The following DPYD variants were observed in gnomAD, a reference collection of about 807,000 sequenced individuals.
DPYD encodes the protein dihydropyrimidine dehydrogenase.
DPYD carries 109 observed loss-of-function variants against 116.2 expected under a neutral mutation model. The observed-to-expected ratio is 0.94, with a 90% confidence interval of 0.80 to 1.10. The LOEUF is 1.10. Among genes scored for constraint, DPYD ranks in the 50% least tolerant of loss-of-function variants. DPYD has a pLI of 0.00. For synonymous variants in DPYD, 440 were observed against 432.0 expected (o/e 1.02, Z -0.23); for missense variants, 1,302 against 1,254.5 (o/e 1.04, Z -0.57).
intron 14 of DPYD, among the ~76,000 whole-genome samples, chr1:97,430,024 C>T (rs930860830): frequency 6.6e-6 from 1 of 152,096 alleles, no homozygotes; most frequent in African/African-American, 2.4e-5. Flanking sequence ...GGTAAACAAA[C>T]AGACTAAGTC....
intron 1 of DPYD, among the ~76,000 whole-genome samples, chr1:97,913,137 A>G (rs1345905307): frequency 6.6e-6 from 1 of 152,148 alleles, no homozygotes; most frequent in Admixed American, 6.6e-5. Flanking sequence ...AGCCATATAT[A>G]GTACGATTGA....
At chr1:97,849,464 C>T (rs1174631180) in intron 2 of DPYD, among the ~76,000 whole-genome samples, 3 of 151,604 alleles carry the variant, frequency 2.0e-5, no homozygotes, top group East Asian at 1.9e-4. Flanking sequence ...TTTGTAAACA[C>T]TTCAACAGCC....
At chr1:97,700,262 C>A (rs1456401398) in intron 5 of DPYD, 1 of 455,882 alleles carries the variant, frequency 2.2e-6, no homozygotes, top group South Asian at 1.5e-5. Flanking sequence ...CTTTTGAAAC[C>A]AGAGAGACAC....
intron 3 of DPYD, among the ~76,000 whole-genome samples, chr1:97,787,010 A>C (rs993479144): frequency 9.9e-5 from 15 of 152,166 alleles, no homozygotes; most frequent in Non-Finnish European, 1.5e-4. Flanking sequence ...AGGAAAAAAA[A>C]CCACAGGTCA....
chr1:97,123,826 A>G (rs1570498280), intron 20 of DPYD, among the ~76,000 whole-genome samples: 1 of 151,966 alleles, frequency 6.6e-6, no homozygotes, highest in Non-Finnish European at 1.5e-5. Flanking sequence ...AATTTCCTCT[A>G]TAGTTGCTGC....
chr1:97,214,164 C>T (rs573303684), intron 19 of DPYD, among the ~76,000 whole-genome samples: 25 of 152,284 alleles, frequency 1.6e-4, no homozygotes, highest in African/African-American at 5.8e-4. Flanking sequence ...AATTCCCTAA[C>T]AGCAGCCAAA....
At chr1:97,752,366 A>G (rs1031030902) in intron 3 of DPYD, among the ~76,000 whole-genome samples, 3 of 152,028 alleles carry the variant, frequency 2.0e-5, no homozygotes, top group African/African-American at 7.2e-5. Context: ...AAATTTAAAT[A>G]TTCATTCATT....
intron 2 of DPYD, among the ~76,000 whole-genome samples, chr1:97,879,514 A>C (rs1312018095): frequency 6.6e-6 from 1 of 151,970 alleles, no homozygotes; most frequent in Non-Finnish European, 1.5e-5. Context: ...AATGGCAAAA[A>C]TAAACAGCAG....
intron 20 of DPYD, among the ~76,000 whole-genome samples, chr1:97,133,208 C>T (rs948339354): frequency 1.3e-5 from 2 of 151,914 alleles, no homozygotes; most frequent in Admixed American, 6.6e-5. Flanking sequence ...TTCCCGAAAT[C>T]TGTTGCTAGC....
intron 8 of DPYD, among the ~76,000 whole-genome samples, chr1:97,670,974 C>T (rs542602178): frequency 2.0e-5 from 3 of 151,982 alleles, no homozygotes; most frequent in South Asian, 4.2e-4. Context: ...ATAAAAATTC[C>T]TCCATGTCTC....
At chr1:97,877,510 T>C (rs1044946895) in intron 2 of DPYD, among the ~76,000 whole-genome samples, 1 of 152,046 alleles carries the variant, frequency 6.6e-6, no homozygotes, top group Non-Finnish European at 1.5e-5. Flanking sequence ...GTTGGATATC[T>C]GCATGCTCTA....
At chr1:97,791,460 G>T (rs1336500417) in intron 3 of DPYD, among the ~76,000 whole-genome samples, 4 of 152,168 alleles carry the variant, frequency 2.6e-5, no homozygotes, top group Admixed American at 1.3e-4. Context: ...AACAAGTTTT[G>T]TGGTCTAATG....
chr1:97,385,838 G>C (rs539038836), intron 14 of DPYD, among the ~76,000 whole-genome samples: 1 of 152,098 alleles, frequency 6.6e-6, no homozygotes, highest in South Asian at 2.1e-4. Context: ...GACTAACACT[G>C]TTTCTCTCTT....
intron 16 of DPYD, among the ~76,000 whole-genome samples, chr1:97,370,692 T>G (rs548018433): frequency 2.6e-5 from 4 of 152,336 alleles, no homozygotes; most frequent in African/African-American, 9.6e-5. Flanking sequence ...CTATTTTTAA[T>G]GTTAACATTA....
rs563624637 is a variant in DPYD at position 97,674,708 on chromosome 1, C to T, written c.850+4387G>A. ...CATGTCCAGCCCGTCTACCACACTACGTCCCACTCCTGAAATTGTGCAATA... is the reference window on the plus strand; with the variant it reads ...CATGTCCAGCCCGTCTACCACACTATGTCCCACTCCTGAAATTGTGCAATA... On this transcript the variant is annotated intron_variant, in intron 8 of 22. Coordinates refer to ENST00000370192, the MANE Select transcript of DPYD (RefSeq NM_000110.4). Among the ~76,000 whole-genome samples the T allele has an allele frequency of 5.3e-5, 8 of 151,440 alleles. No homozygotes were observed. The East Asian group carries it at 1.6e-3, about 29-fold the overall frequency.
intron 8 of DPYD, among the ~76,000 whole-genome samples, chr1:97,632,066 CAG>C (rs1181096237): frequency 6.6e-6 from 1 of 152,036 alleles, no homozygotes; most frequent in Non-Finnish European, 1.5e-5. Flanking sequence ...ACTAATATAA[CAG>C]GGACTGAAAT....
intron 12 of DPYD, among the ~76,000 whole-genome samples, chr1:97,536,539 G>T (rs996764242): frequency 1.3e-5 from 2 of 152,188 alleles, no homozygotes; most frequent in Admixed American, 1.3e-4. Context: ...AAGCAGTAGA[G>T]GATTCAAAAA....
intron 20 of DPYD, among the ~76,000 whole-genome samples, chr1:97,163,300 C>T (rs553766920): frequency 9.2e-5 from 14 of 152,240 alleles, no homozygotes; most frequent in Admixed American, 5.9e-4. Flanking sequence ...AAACAAACAA[C>T]CCCATCAAAA....
chr1:97,249,225 T>C (rs1322097270), intron 18 of DPYD, among the ~76,000 whole-genome samples: 4 of 151,700 alleles, frequency 2.6e-5, no homozygotes, highest in Non-Finnish European at 4.4e-5. Context: ...ACAATGGCAT[T>C]AGAATATACG....
Sources: gnomAD v4.1 joint callset for allele counts (sites outside exome capture counted in the v4.1 genomes callset) on GRCh38, gnomAD v4.1.1 for gene constraint, MANE v1.5 for transcripts, NCBI Gene and HGNC (gene_info 2026-07-23, HGNC 2026-07-21) for gene names.